Variants in ERBB4 observed in about 807,000 individuals in gnomAD.
The protein encoded by ERBB4 is receptor tyrosine-protein kinase erbB-4.
In ERBB4, 42 loss-of-function variants were observed where a neutral mutation model predicts 158.0. The observed-to-expected ratio is 0.27, with a 90% CI of 0.21 to 0.34. The LOEUF (loss-of-function observed/expected upper bound fraction) is 0.34, where lower values mean the gene tolerates loss of function less well. Among genes scored for constraint, ERBB4 ranks in the 10% least tolerant of loss-of-function variants. The pLI is 1.00. For synonymous variants in ERBB4, 583 were observed against 558.7 expected (o/e 1.04, Z -0.61); for missense variants, 1,333 against 1,624.1 (o/e 0.82, Z 3.08).
chr2:212,037,096 C>A (rs555510795), intron 2 of ERBB4, among the ~76,000 whole-genome samples: 2 of 125,642 alleles, frequency 1.6e-5, no homozygotes, highest in Non-Finnish European at 3.5e-5. Context: ...TAATCAGAAA[C>A]AATTTTGAAG....
At chr2:211,445,900 G>A (rs1254407603) in intron 20 of ERBB4, among the ~76,000 whole-genome samples, 1 of 152,130 alleles carries the variant, frequency 6.6e-6, no homozygotes, top group African/African-American at 2.4e-5. Flanking sequence ...AGGTTGAGAA[G>A]AAATGAAGGA....
chr2:212,477,643 T>C (rs1689472225), intron 1 of ERBB4, among the ~76,000 whole-genome samples: 1 of 152,188 alleles, frequency 6.6e-6, no homozygotes, highest in Admixed American at 6.6e-5. Context: ...ATATTTCCAC[T>C]TTATTGCTTT....
chr2:211,842,514 T>C (rs1459957334), intron 3 of ERBB4, among the ~76,000 whole-genome samples: 1 of 140,888 alleles, frequency 7.1e-6, no homozygotes, highest in Non-Finnish European at 1.6e-5. Flanking sequence ...CATTTCAATG[T>C]ACCTATATTG....
chr2:212,333,345 T>C (rs931864539), intron 1 of ERBB4, among the ~76,000 whole-genome samples: 1 of 149,498 alleles, frequency 6.7e-6, no homozygotes, highest in Non-Finnish European at 1.5e-5. Context: ...ATCTAAAACC[T>C]GTCCACACAA....
chr2:211,701,601 C>CA (rs2073243966), intron 12 of ERBB4, among the ~76,000 whole-genome samples: 1 of 151,216 alleles, frequency 6.6e-6, no homozygotes, highest in African/African-American at 2.4e-5. Context: ...CTAAAAATAC[C>CA]AAAAAAATTA....
intron 2 of ERBB4, among the ~76,000 whole-genome samples, chr2:212,009,853 CTGTCTGT>C (rs2076342892): frequency 6.6e-6 from 1 of 152,162 alleles, no homozygotes; most frequent in South Asian, 2.1e-4. Flanking sequence ...ATCCTCCCAC[CTGTCTGT>C]ACTCCTACTA....
chr2:212,182,737 C>G lies in ERBB4; in HGVS notation c.83-57834G>C, dbSNP rs1047671066. Among the ~76,000 whole-genome samples, 37 of 151,748 alleles carry G rather than the reference C, an allele frequency of 2.4e-4. 1 individual carries two copies. Among genetic ancestry groups the G allele is most frequent in the Admixed American group, 2.4e-3 (37 of 15,188 alleles). On this transcript the variant is annotated intron_variant, in intron 1 of 27. Coordinates refer to ENST00000342788, the MANE Select transcript of ERBB4 (RefSeq NM_005235.3). ...AGTTTTCACAGCTTTGAAATCAGCA[C>G]AGTATAAAAATTAGACTTGCTTTGT... is the stretch of plus-strand genomic sequence containing the variant.
At chr2:212,237,861 G>A (rs1229150540) in intron 1 of ERBB4, among the ~76,000 whole-genome samples, 1 of 152,152 alleles carries the variant, frequency 6.6e-6, no homozygotes, top group Non-Finnish European at 1.5e-5. Context: ...ACTTCCAAGT[G>A]GCTTTGTTTA....
chr2:211,720,917 G>A (rs2074070221), intron 7 of ERBB4, among the ~76,000 whole-genome samples: 2 of 152,134 alleles, frequency 1.3e-5, no homozygotes, highest in African/African-American at 4.8e-5. Context: ...TACCTGGAGG[G>A]ATAGCTGCAG....
intron 22 of ERBB4, among the ~76,000 whole-genome samples, chr2:211,425,087 T>A (rs1032937502): frequency 1.3e-5 from 2 of 152,158 alleles, no homozygotes; most frequent in African/African-American, 4.8e-5. Flanking sequence ...CTAAATATCT[T>A]TTTTGTAATG....
At chr2:211,573,487 G>A (rs1025754882) in intron 19 of ERBB4, among the ~76,000 whole-genome samples, 27 of 151,936 alleles carry the variant, frequency 1.8e-4, no homozygotes, top group African/African-American at 6.5e-4. Flanking sequence ...TGGCTAACAC[G>A]GTAAAACCCT....
At chr2:212,361,237 G>C (rs886805606) in intron 1 of ERBB4, among the ~76,000 whole-genome samples, 1 of 151,448 alleles carries the variant, frequency 6.6e-6, no homozygotes, top group African/African-American at 2.4e-5. Context: ...TAATTATTCT[G>C]ATCTGAGGCT....
At chr2:212,315,886 A>T (rs958278561) in intron 1 of ERBB4, among the ~76,000 whole-genome samples, 4 of 151,522 alleles carry the variant, frequency 2.6e-5, no homozygotes, top group Non-Finnish European at 5.9e-5. Flanking sequence ...CTCACAGAAG[A>T]CATATGTACA....
chr2:212,392,906 A>G (rs1325558541), intron 1 of ERBB4, among the ~76,000 whole-genome samples: 3 of 151,950 alleles, frequency 2.0e-5, no homozygotes, highest in East Asian at 1.9e-4. Flanking sequence ...CTGCTCCCCT[A>G]TCATTTTCTG....
At chr2:212,303,944 G>C (rs534407957) in intron 1 of ERBB4, among the ~76,000 whole-genome samples, 79 of 151,632 alleles carry the variant, frequency 5.2e-4, no homozygotes, top group African/African-American at 1.8e-3. Flanking sequence ...AAAGACAAAT[G>C]ATTTAAAAAA....
At chr2:212,003,153 GAAA>G (rs1559292477) in intron 2 of ERBB4, among the ~76,000 whole-genome samples, 7 of 13,756 alleles carry the variant, frequency 5.1e-4, no homozygotes, top group Admixed American at 1.1e-3. Context: ...AGGAAGGAAA[GAAA>G]GAAAGAAAGA....
At chr2:211,875,400 C>T (rs2078473669) in intron 3 of ERBB4, among the ~76,000 whole-genome samples, 1 of 152,176 alleles carries the variant, frequency 6.6e-6, no homozygotes, top group South Asian at 2.1e-4. Flanking sequence ...ACTTTCCCCA[C>T]TTAGATGCAT....
At chr2:212,114,079 C>A (rs1320125286) in intron 2 of ERBB4, among the ~76,000 whole-genome samples, 1 of 152,150 alleles carries the variant, frequency 6.6e-6, no homozygotes, top group African/African-American at 2.4e-5. Flanking sequence ...TGCTAGAATT[C>A]TGCAGTGAAC....
intron 1 of ERBB4, among the ~76,000 whole-genome samples, chr2:212,480,919 T>C (rs1689662753): frequency 6.6e-6 from 1 of 152,216 alleles, no homozygotes; most frequent in African/African-American, 2.4e-5. Flanking sequence ...AATTAGCTTT[T>C]TAATTTACAT....
Sources: allele counts gnomAD v4.1 joint callset (sites outside exome capture counted in the v4.1 genomes callset), GRCh38; gene constraint gnomAD v4.1.1; transcripts MANE v1.5; gene names NCBI Gene and HGNC (gene_info 2026-07-23, HGNC 2026-07-21).